The following LRP1B variants were observed in gnomAD, a reference collection of about 807,000 sequenced individuals.
LRP1B encodes the protein low-density lipoprotein receptor-related protein 1B.
LRP1B carries 217 observed loss-of-function variants against 556.6 expected under a neutral mutation model. The ratio of observed to expected loss-of-function variants is 0.39; its 90% CI spans 0.35 to 0.44. The LOEUF (loss-of-function observed/expected upper bound fraction) is 0.44, where lower values mean the gene tolerates loss of function less well. LRP1B is among the 20% of genes least tolerant of loss of function. The probability of loss-of-function intolerance (pLI) is 1.00; values close to 1 mark genes in which losing one functional copy is unlikely to be tolerated. For synonymous variants in LRP1B, 2,047 were observed against 1,865.8 expected (o/e 1.10, Z -2.50); for missense variants, 5,053 against 5,620.8 (o/e 0.90, Z 3.23).
chr2:140,702,907 T>A (rs897674058), intron 37 of LRP1B, among the ~76,000 whole-genome samples: 1 of 152,084 alleles, frequency 6.6e-6, no homozygotes, highest in Non-Finnish European at 1.5e-5. Flanking sequence ...CCCTGTACCA[T>A]GTGCTCTGCT....
chr2:141,625,306 TAATTAATATTA>T (rs1392365302), intron 2 of LRP1B, among the ~76,000 whole-genome samples: 1 of 152,154 alleles, frequency 6.6e-6, no homozygotes, highest in East Asian at 1.9e-4. Context: ...TTGAGTGAGG[TAATTAATATTA>T]TACTCAATGA....
chr2:141,559,177 G>A (rs72976086), intron 2 of LRP1B, among the ~76,000 whole-genome samples: 4,262 of 151,308 alleles, frequency 0.028, 220 homozygotes, highest in African/African-American at 0.095. Flanking sequence ...TCACTATTAT[G>A]TTTCTTTCAT....
chr2:141,804,643 G>C (rs373445670), intron 2 of LRP1B, among the ~76,000 whole-genome samples: 1 of 151,988 alleles, frequency 6.6e-6, no homozygotes, highest in Admixed American at 6.6e-5. Context: ...CCGAGAGGGG[G>C]CAGTTAGATT....
At chr2:141,708,681 T>A (rs1294445331) in intron 2 of LRP1B, among the ~76,000 whole-genome samples, 1 of 89,364 alleles carries the variant, frequency 1.1e-5, no homozygotes, top group Non-Finnish European at 2.2e-5. Context: ...AATTTGTATT[T>A]TTATGCATCA....
chr2:141,535,675 G>A (rs1360397759), intron 2 of LRP1B, among the ~76,000 whole-genome samples: 2 of 151,980 alleles, frequency 1.3e-5, no homozygotes, highest in African/African-American at 2.4e-5. Context: ...CACTCCTCAG[G>A]CAAAAGTTTG....
chr2:142,061,043 A>C (rs1291752307), intron 1 of LRP1B, among the ~76,000 whole-genome samples: 1 of 151,952 alleles, frequency 6.6e-6, no homozygotes, highest in East Asian at 1.9e-4. Context: ...GCTACTATCA[A>C]AGGGGAGTAA....
At chr2:141,175,388 A>G (rs1480449273) in intron 7 of LRP1B, among the ~76,000 whole-genome samples, 1 of 152,154 alleles carries the variant, frequency 6.6e-6, no homozygotes, top group East Asian at 1.9e-4. Context: ...CTGCTGCTCT[A>G]TGCAGCCTTG....
intron 11 of LRP1B, among the ~76,000 whole-genome samples, chr2:141,031,953 C>T (rs1698385631): frequency 6.6e-6 from 1 of 151,732 alleles, no homozygotes; most frequent in Non-Finnish European, 1.5e-5. Flanking sequence ...ACACGGTTAC[C>T]TATAATCACA....
intron 2 of LRP1B, among the ~76,000 whole-genome samples, chr2:141,705,206 C>T (rs189634896): frequency 4.6e-5 from 7 of 152,060 alleles, no homozygotes; most frequent in African/African-American, 1.7e-4. Flanking sequence ...ACTTTAACTG[C>T]CTATCTATGA....
chr2:141,711,344 T>C (rs1338966946), intron 2 of LRP1B, among the ~76,000 whole-genome samples: 1 of 152,128 alleles, frequency 6.6e-6, no homozygotes, highest in Non-Finnish European at 1.5e-5. Flanking sequence ...ACTAGACCAA[T>C]AATGAAATCT....
intron 2 of LRP1B, among the ~76,000 whole-genome samples, chr2:141,483,375 A>C (rs1284675080): frequency 6.9e-6 from 1 of 145,228 alleles, no homozygotes; most frequent in Admixed American, 7.0e-5. Context: ...TTGGACATTT[A>C]GGTTGGTTCC....
intron 1 of LRP1B, among the ~76,000 whole-genome samples, chr2:141,925,067 G>A (rs539717686): frequency 6.6e-6 from 1 of 152,206 alleles, no homozygotes; most frequent in South Asian, 2.1e-4. Flanking sequence ...TTTCAACAGG[G>A]AATAGATATA....
intron 2 of LRP1B, among the ~76,000 whole-genome samples, chr2:141,781,144 T>C (rs1338156009): frequency 6.6e-6 from 1 of 152,150 alleles, no homozygotes; most frequent in African/African-American, 2.4e-5. Context: ...CAAATTCCAA[T>C]GCTCAGGTCT....
At chr2:141,129,738 TAA>T (rs1345096270) in intron 7 of LRP1B, among the ~76,000 whole-genome samples, 1 of 151,738 alleles carries the variant, frequency 6.6e-6, no homozygotes, top group African/African-American at 2.4e-5. Flanking sequence ...GATAATTGAA[TAA>T]AATAGGAACA....
At chr2:141,451,088 C>G (rs995926698) in intron 3 of LRP1B, among the ~76,000 whole-genome samples, 1 of 152,082 alleles carries the variant, frequency 6.6e-6, no homozygotes, top group Non-Finnish European at 1.5e-5. Flanking sequence ...AGTCTTGATA[C>G]AAGTAATGTG....
intron 1 of LRP1B, among the ~76,000 whole-genome samples, chr2:141,927,930 A>G (rs1313462129): frequency 1.4e-5 from 2 of 145,474 alleles, no homozygotes; most frequent in Non-Finnish European, 3.0e-5. Context: ...AGAAAGAAAG[A>G]AAGAAAAAAA....
intron 2 of LRP1B, among the ~76,000 whole-genome samples, chr2:141,598,033 C>A (rs990981147): frequency 2.0e-5 from 3 of 151,846 alleles, no homozygotes; most frequent in African/African-American, 7.2e-5. Flanking sequence ...CACACAGAGC[C>A]GTGTATACAG....
At chr2:141,286,702 T>A (rs895846617) in intron 3 of LRP1B, 2 of 446,062 alleles carry the variant, frequency 4.5e-6, no homozygotes, top group African/African-American at 2.0e-5. Flanking sequence ...TCATCTGGAG[T>A]TAGTTTTGCT....
intron 2 of LRP1B, among the ~76,000 whole-genome samples, chr2:141,640,893 A>T (rs546188619): frequency 3.9e-4 from 60 of 152,150 alleles, no homozygotes; most frequent in African/African-American, 1.4e-3. Context: ...TTCTTTACAC[A>T]GAGCAATTGC....
Sources: gnomAD v4.1 joint callset for allele counts (sites outside exome capture counted in the v4.1 genomes callset) on GRCh38, gnomAD v4.1.1 for gene constraint, MANE v1.5 for transcripts, NCBI Gene and HGNC (gene_info 2026-07-23, HGNC 2026-07-21) for gene names.